HS6ST2: variants seen among roughly 807,000 people sequenced by gnomAD.
HS6ST2 encodes heparan-sulfate 6-O-sulfotransferase 2.
HS6ST2 carries 17 observed loss-of-function variants against 33.0 expected under a neutral mutation model. The observed-to-expected ratio is 0.52, with a 90% CI of 0.35 to 0.77. HS6ST2 has a LOEUF of 0.77. HS6ST2 is among the 30% of genes least tolerant of loss of function. The pLI, the probability that HS6ST2 is intolerant of heterozygous loss-of-function variation, is 0.01. For missense variants in HS6ST2, 519 were observed against 551.7 expected, an observed-to-expected ratio of 0.94 and a Z score of 0.59; for synonymous variants, 248 against 237.1, an observed-to-expected ratio of 1.05 and a Z score of -0.42.
At chrX:132,634,120 C>G (rs2063537556) in intron 4 of HS6ST2, among the ~76,000 whole-genome samples, 1 of 112,326 alleles carries the variant, frequency 8.9e-6, no homozygotes. Context: ...AAATCTAAGC[C>G]TGTCAAAAGA....
chrX:132,907,252 G>A (rs1291495416), intron 2 of HS6ST2: 1 of 112,098 alleles, frequency 8.9e-6, no homozygotes, highest in Non-Finnish European at 1.9e-5. Flanking sequence ...TTATTAAAGG[G>A]CCAACCAAAG....
At chrX:132,837,309 A>G (rs2065653719) in intron 2 of HS6ST2, among the ~76,000 whole-genome samples, 1 of 104,953 alleles carries the variant, frequency 9.5e-6, no homozygotes, top group Non-Finnish European at 1.9e-5. Context: ...GGGAAAAATG[A>G]TTGTCCAGGA....
Position 132,704,511 on chromosome X carries a change from G to A in HS6ST2, c.980+3951C>T, listed in dbSNP as rs915659662. 2.7e-5 allele frequency among the ~76,000 whole-genome samples: 3 copies of A among 110,645 alleles called. 1 individual carries two copies. Among genetic ancestry groups the A allele is most frequent in the Middle Eastern group, 8.5e-3 (2 of 235 alleles). On this transcript the variant is annotated intron_variant, in intron 3 of 4. Transcript: ENST00000370833. ...GGAGGTTGCAGTGAACTGAGATCGC[G>A]CCATTGAACTCCAGTCTGGGTAACA...
At chrX:132,777,147 A>C (rs2148327893) in intron 2 of HS6ST2, among the ~76,000 whole-genome samples, 1 of 104,371 alleles carries the variant, frequency 9.6e-6, no homozygotes, top group South Asian at 4.7e-4. Flanking sequence ...TACAATGCAC[A>C]GGGCAACCCC....
intron 3 of HS6ST2, among the ~76,000 whole-genome samples, chrX:132,700,952 C>T (rs2148240300): frequency 9.0e-6 from 1 of 111,722 alleles, no homozygotes; most frequent in South Asian, 3.8e-4. Context: ...ATTCCTTTTA[C>T]CTGTTTCTAA....
At chrX:132,904,895 A>G (rs1036191875) in intron 2 of HS6ST2, among the ~76,000 whole-genome samples, 3 of 110,392 alleles carry the variant, frequency 2.7e-5, no homozygotes. Flanking sequence ...CCATCCCCAC[A>G]GTACCAAGGC....
intron 2 of HS6ST2, among the ~76,000 whole-genome samples, chrX:132,730,273 C>T (rs1010827233): frequency 3.6e-5 from 4 of 112,052 alleles, no homozygotes; most frequent in Non-Finnish European, 7.5e-5. Context: ...AGAAGCACTA[C>T]GCCCTGTGCG....
rs1176610550 is a variant in HS6ST2 at position 132,828,678 on chromosome X, T to TTATATATATATATATATA, written c.948-120185_948-120184insTATATATATATATATATA. On this transcript the variant is annotated intron_variant, in intron 2 of 4. Transcript: ENST00000370833. ...CTGGGGATAATGGAAATATCATATT[T>TTATATATATATATATATA]TATATATATATATATACACACACAC... Among the ~76,000 whole-genome samples the TTATATATATATATATATA allele has an allele frequency of 5.6e-5, 3 of 53,241 alleles. 1 individual carries two copies. Among genetic ancestry groups the TTATATATATATATATATA allele is most frequent in the African/African-American group, 1.8e-4 (2 of 10,816 alleles). The allele number at this position is 53,241 out of a possible 115,157, so 46.2% of individuals were successfully genotyped here. A position where few individuals can be genotyped will look rare whatever the true frequency, so the allele number is the denominator to read the frequency against.
At chrX:132,797,463 C>A (rs1223463784) in intron 2 of HS6ST2, among the ~76,000 whole-genome samples, 1 of 112,218 alleles carries the variant, frequency 8.9e-6, no homozygotes, top group East Asian at 2.8e-4. Flanking sequence ...TGAAACTTGA[C>A]AGGGAGAATG....
chrX:132,696,792 AT>A (rs2064108189), intron 3 of HS6ST2, among the ~76,000 whole-genome samples: 1 of 112,089 alleles, frequency 8.9e-6, no homozygotes, highest in African/African-American at 3.2e-5. Context: ...AAGCGCCTTT[AT>A]TATGACACAG....
chrX:132,782,036 T>C (rs2065020930), intron 2 of HS6ST2, among the ~76,000 whole-genome samples: 1 of 111,797 alleles, frequency 8.9e-6, no homozygotes, highest in Non-Finnish European at 1.9e-5. Flanking sequence ...GACTCATGCT[T>C]AAAAATATGA....
At chrX:132,805,256 G>A (rs1243994606) in intron 2 of HS6ST2, among the ~76,000 whole-genome samples, 5 of 111,821 alleles carry the variant, frequency 4.5e-5, no homozygotes, top group South Asian at 7.6e-4. Flanking sequence ...CTGGTGGTAC[G>A]CAGAAGTACG....
At chrX:132,637,358 T>C (rs1019741848) in intron 4 of HS6ST2, among the ~76,000 whole-genome samples, 1 of 110,942 alleles carries the variant, frequency 9.0e-6, no homozygotes, top group Non-Finnish European at 1.9e-5. Flanking sequence ...ATCTAGAGTG[T>C]AGACAAGCCA....
chrX:132,698,264 T>A (rs2148237276), intron 3 of HS6ST2, among the ~76,000 whole-genome samples: 1 of 112,677 alleles, frequency 8.9e-6, no homozygotes, highest in South Asian at 3.7e-4. Flanking sequence ...AACTAAATTA[T>A]AATTGTGACA....
At chrX:132,697,398 C>T (rs376345744) in intron 3 of HS6ST2, among the ~76,000 whole-genome samples, 2 of 112,053 alleles carry the variant, frequency 1.8e-5, no homozygotes, top group East Asian at 5.6e-4. Context: ...TTAAGGCCGG[C>T]TCTTCACAAC....
At chrX:132,746,784 G>A (rs1041596781) in intron 2 of HS6ST2, among the ~76,000 whole-genome samples, 9 of 111,831 alleles carry the variant, frequency 8.0e-5, no homozygotes, top group African/African-American at 2.9e-4. Flanking sequence ...GGACCCACCA[G>A]GGATTGCACA....
intron 2 of HS6ST2, among the ~76,000 whole-genome samples, chrX:132,836,465 TTA>T (rs1447057928): frequency 1.8e-5 from 2 of 112,821 alleles, no homozygotes; most frequent in Non-Finnish European, 3.7e-5. Flanking sequence ...TGGAAGGCCA[TTA>T]TGAAGATGGA....
At chrX:132,779,111 CA>C (rs2064994602) in intron 2 of HS6ST2, among the ~76,000 whole-genome samples, 1 of 111,716 alleles carries the variant, frequency 9.0e-6, no homozygotes, top group African/African-American at 3.3e-5. Context: ...GATCAAGTCA[CA>C]AGGAAAAACT....
intron 2 of HS6ST2, among the ~76,000 whole-genome samples, chrX:132,901,827 T>C (rs913751707): frequency 2.7e-5 from 3 of 110,770 alleles, no homozygotes; most frequent in Non-Finnish European, 5.7e-5. Flanking sequence ...AAAGGCTCAG[T>C]TGAGAAAGCT....
Sources: gnomAD v4.1 joint callset for allele counts (sites outside exome capture counted in the v4.1 genomes callset) on GRCh38, gnomAD v4.1.1 for gene constraint, MANE v1.5 for transcripts, NCBI Gene and HGNC (gene_info 2026-07-23, HGNC 2026-07-21) for gene names.